Variants in NASP observed in about 807,000 individuals in gnomAD.
The protein encoded by NASP is NASP histone chaperone.
Under a neutral mutation model 89.5 loss-of-function variants are expected in NASP, and 24 were observed. The observed-to-expected ratio is 0.27, with a 90% CI of 0.19 to 0.38. The LOEUF (loss-of-function observed/expected upper bound fraction) is 0.38. Ranked by LOEUF, NASP falls within the 10% of genes least tolerant of loss-of-function variation. The pLI is 1.00. For synonymous variants in NASP, 306 were observed against 324.7 expected (o/e 0.94, Z 0.62); for missense variants, 848 against 921.4 (o/e 0.92, Z 1.03).
At chr1:45,590,869 C>T (rs1005577115) in intron 1 of NASP, among the ~76,000 whole-genome samples, 39 of 152,032 alleles carry the variant, frequency 2.6e-4, no homozygotes, top group African/African-American at 8.9e-4. Context: ...TAAAACTATT[C>T]GATATACATG....
chr1:45,587,661 CATATATAT>C lies in NASP; in HGVS notation c.59+3476_59+3483del, dbSNP rs1553169239. On this transcript the variant is annotated intron_variant, in intron 1 of 14. Transcript: ENST00000350030. Reference sequence around the variant, plus strand: ...CTATGAGGTTTGTCTTGAGTTTTTTCATATATATATATATATATATATATATAATTAAT... The same window carrying C: ...CTATGAGGTTTGTCTTGAGTTTTTTCATATATATATATATATATAATTAAT... Among the ~76,000 whole-genome samples the C allele has an allele frequency of 0.012, 78 of 6,394 alleles. 6 individuals are homozygous for C. The East Asian group carries it at 0.28, about 23-fold the overall frequency. 4.2% of individuals were successfully genotyped at this position (6,394 alleles called of 152,430 possible).
chr1:45,603,404 T>G (rs546563847), intron 3 of NASP, among the ~76,000 whole-genome samples: 10 of 152,308 alleles, frequency 6.6e-5, no homozygotes, highest in African/African-American at 2.4e-4. Context: ...ACAAAGCGTT[T>G]GTGGGTTTCA....
chr1:45,584,287 A>G (rs1644494041), intron 1 of NASP, 82 bp downstream of exon 1: 1 of 1,349,890 alleles, frequency 7.4e-7, no homozygotes, highest in East Asian at 2.5e-5. Flanking sequence ...GAAGGGGCAG[A>G]CCGGTGGGCG....
In NASP at chr1:45,614,171, A is replaced by G. The variant is rs1211426047; in HGVS notation, c.1582A>G (p.Ile528Val). 1.2e-6 allele frequency: 2 copies of G among 1,611,864 alleles called. No homozygotes were observed. The highest frequency in any genetic ancestry group is 1.1e-5 in the South Asian group (1 of 91,044). ...GGATATGCTGGATTTAGCAAAGATCATTTTTAAAAGGTAAAACTCTTGGTG... is the reference window on the plus strand; with the variant it reads ...GGATATGCTGGATTTAGCAAAGATCGTTTTTAAAAGGTAAAACTCTTGGTG... ...AWDMLDLAKI[I>V]FKRQETKEAQ... The change falls in exon 8 of 15, where the codon ATT becomes GTT. Residue 528 changes from isoleucine (I) to valine (V), a missense_variant. Physicochemically the swap from Ile to Val is conservative, Grantham distance 29. This residue lies in a region of NASP where 60 missense variants were observed against 114.6 expected (regional missense o/e 0.52). Transcript: ENST00000350030.
chr1:45,599,483 A>G (rs1423377380), intron 2 of NASP, among the ~76,000 whole-genome samples: 1 of 151,728 alleles, frequency 6.6e-6, no homozygotes, highest in Non-Finnish European at 1.5e-5. Flanking sequence ...GCTGGAGTGC[A>G]GTGGCACAAT....
Position 45,608,480 on chromosome 1 carries a change from T to G in NASP, c.1426+143T>G. 4.9e-6 allele frequency: 4 copies of G among 813,154 alleles called. No homozygotes were observed. In the South Asian group the frequency reaches 7.0e-5, roughly 14 times the overall value. 50.4% of individuals were successfully genotyped at this position (813,154 alleles called of 1,614,324 possible). On this transcript the variant is annotated intron_variant, in intron 6 of 14. Transcript: ENST00000350030. ...GGGCTAAATGAAAAGGGGGGTAGTT[T>G]AACAAGGTCGTGATAGTCAAGTAAG...
At chr1:45,598,538 A>G (rs1457341243) in intron 2 of NASP, among the ~76,000 whole-genome samples, 2 of 152,100 alleles carry the variant, frequency 1.3e-5, no homozygotes, top group South Asian at 2.1e-4. Flanking sequence ...CTTTATTAGT[A>G]GCCACTCCCT....
At chr1:45,596,003 AACAG>A (rs1643686395) in intron 2 of NASP, among the ~76,000 whole-genome samples, 1 of 152,240 alleles carries the variant, frequency 6.6e-6, no homozygotes, top group South Asian at 2.1e-4. Context: ...AAGAATGACC[AACAG>A]ACAAACTTTT....
At chr1:45,611,068 T>G (rs1037960584) in intron 6 of NASP, 1 of 152,128 alleles carries the variant, frequency 6.6e-6, no homozygotes, top group Non-Finnish European at 1.5e-5. Context: ...GGGTCCGGGC[T>G]TAGTTCCCCA....
rs959522493 is a variant in NASP, at chr1:45,612,329, G to C, written c.1427-840G>C. On this transcript the variant is annotated intron_variant, in intron 6 of 14. Coordinates refer to ENST00000350030, the MANE Select transcript of NASP (RefSeq NM_002482.4). ...GAGATAGTGTTTGAGCTTTTTTGCT[G>C]GTGTTAAAAATGCATAATGAAAGAT... The C allele has an allele frequency of 3.3e-5, 5 of 152,152 alleles. No homozygotes were observed. The East Asian group carries it at 9.6e-4, about 29-fold the overall frequency. 9.4% of individuals were successfully genotyped at this position (152,152 alleles called of 1,614,324 possible). A position where few individuals can be genotyped will look rare whatever the true frequency, so the allele number is the denominator to read the frequency against.
In NASP at chr1:45,602,337, A is replaced by G. The variant is rs1322903525; in HGVS notation, c.190A>G (p.Asn64Asp). ...LVMGDIPAAV[N>D]AFQEAASLLG... ...GATGGGGGATATTCCAGCAGCTGTC[A>G]ATGCATTCCAGGAAGCAGCTAGTCT... Residue 64 changes from asparagine (N) to aspartate (D), a missense_variant, in exon 3 of 15, where the codon AAT becomes GAT. By Grantham distance (23) the Asn-to-Asp change is conservative. Transcript: ENST00000350030. 6.2e-7 allele frequency: 1 copy of G among 1,613,468 alleles called. No homozygotes were observed. The highest frequency in any genetic ancestry group is 8.5e-7 in the Non-Finnish European group (1 of 1,179,668).
At chr1:45,617,683 T>G in intron 14 of NASP, 92 bp downstream of exon 14, 2 of 1,401,972 alleles carry the variant, frequency 1.4e-6, no homozygotes, top group Non-Finnish European at 1.9e-6. Context: ...CTCCCCACCT[T>G]GAGCCTGCTA....
chr1:45,613,474 G>GTTTTTTTTTTTT (rs1644052226), intron 7 of NASP, among the ~76,000 whole-genome samples: 1 of 152,104 alleles, frequency 6.6e-6, no homozygotes, highest in Non-Finnish European at 1.5e-5. Context: ...AGCTTACCTA[G>GTTTTTTTTTTTT]TTTAGGCACG....
At position 45,602,318 on chromosome 1, in the gene NASP, G is replaced by T. The variant is rs892011028; in HGVS notation, c.171G>T (p.Gly57=). The part of the protein sequence containing the change: ...LGLGQKHLVM[G]DIPAAVNAFQ... ...TAGGACAGAAACATCTGGTGATGGGGGATATTCCAGCAGCTGTCAATGCAT... is the reference window on the plus strand; with the variant it reads ...TAGGACAGAAACATCTGGTGATGGGTGATATTCCAGCAGCTGTCAATGCAT... Residue 57 remains glycine, a synonymous_variant, in exon 3 of 15, where the codon GGG becomes GGT. Transcript: ENST00000350030. 8 of 1,613,584 alleles carry T rather than the reference G, an allele frequency of 5.0e-6. No individual in the cohort carries two copies. The African/African-American group carries it at 9.3e-5, about 19-fold the overall frequency.
chr1:45,615,723 T>G (rs1289141802), intron 11 of NASP: 1 of 432,070 alleles, frequency 2.3e-6, no homozygotes, highest in Non-Finnish European at 4.1e-6. Context: ...ATGGGGATAA[T>G]ACAGGTTGAG....
chr1:45,608,487 G>A (rs1278571358), intron 6 of NASP, 150 bp downstream of exon 6: 1 of 749,596 alleles, frequency 1.3e-6, no homozygotes. Flanking sequence ...GTTTAACAAG[G>A]TCGTGATAGT....
At chr1:45,595,935 A>T (rs1412001318) in intron 2 of NASP, among the ~76,000 whole-genome samples, 1 of 152,228 alleles carries the variant, frequency 6.6e-6, no homozygotes, top group Non-Finnish European at 1.5e-5. Flanking sequence ...TACTTTTTTC[A>T]TGTAACTTTA....
chr1:45,593,120 C>T (rs1643592885), intron 2 of NASP, among the ~76,000 whole-genome samples: 1 of 152,126 alleles, frequency 6.6e-6, no homozygotes, highest in Admixed American at 6.5e-5. Flanking sequence ...ATGTCAAATC[C>T]TAGAAAACGT....
chr1:45,587,700 G>GGA (rs1289772415), intron 1 of NASP, among the ~76,000 whole-genome samples: 3 of 19,688 alleles, frequency 1.5e-4, no homozygotes, highest in African/African-American at 3.9e-4. Context: ...TTAATTTTTT[G>GGA]GAGAGAGAGT....
Sources: allele counts gnomAD v4.1 joint callset (sites outside exome capture counted in the v4.1 genomes callset), GRCh38; gene constraint gnomAD v4.1.1; regional missense constraint gnomAD v4.1.1; transcripts MANE v1.5; gene names NCBI Gene and HGNC (gene_info 2026-07-23, HGNC 2026-07-21).